FAM240B: variants seen among roughly 807,000 people sequenced by gnomAD.
FAM240B encodes the protein protein FAM240B.
chr9:38,717,841 A>G (rs1160441209), intron 1 of FAM240B, among the ~76,000 whole-genome samples: 1 of 152,216 alleles, frequency 6.6e-6, no homozygotes, highest in Non-Finnish European at 1.5e-5. Context: ...TGTTTTTAAA[A>G]ATGTGAACGT....
intron 2 of FAM240B, among the ~76,000 whole-genome samples, chr9:38,700,280 G>A (rs1396101087): frequency 1.3e-5 from 2 of 152,220 alleles, no homozygotes; most frequent in Non-Finnish European, 2.9e-5. Flanking sequence ...ATTGCCTGAA[G>A]CTGAAAATAT....
intron 2 of FAM240B, among the ~76,000 whole-genome samples, chr9:38,701,764 G>T (rs1821130348): frequency 2.0e-5 from 3 of 152,018 alleles, no homozygotes; most frequent in Admixed American, 2.0e-4. Flanking sequence ...TAGAAGAGGG[G>T]GTCATTTCTA....
chr9:38,719,639 C>T (rs540757695), intron 1 of FAM240B, among the ~76,000 whole-genome samples: 8 of 152,240 alleles, frequency 5.3e-5, no homozygotes, highest in South Asian at 4.1e-4. Context: ...GAGAAGCTTC[C>T]ATGATCCAGC....
At chr9:38,701,069 A>G (rs1279757025) in intron 2 of FAM240B, among the ~76,000 whole-genome samples, 1 of 152,214 alleles carries the variant, frequency 6.6e-6, no homozygotes, top group Non-Finnish European at 1.5e-5. Context: ...CTGCTCACTC[A>G]TACATTTAGA....
At chr9:38,708,407 G>A (rs1335247790) in intron 1 of FAM240B, among the ~76,000 whole-genome samples, 1 of 152,088 alleles carries the variant, frequency 6.6e-6, no homozygotes, top group Admixed American at 6.5e-5. Context: ...CGGGATTGGA[G>A]TTCTTCACCA....
chr9:38,712,394 C>T (rs1169692079), intron 1 of FAM240B, among the ~76,000 whole-genome samples: 1 of 152,212 alleles, frequency 6.6e-6, no homozygotes, highest in Non-Finnish European at 1.5e-5. Flanking sequence ...AAGTACTTAA[C>T]ATAGTATCTG....
intron 2 of FAM240B, among the ~76,000 whole-genome samples, chr9:38,699,603 C>G (rs1008943835): frequency 1.3e-5 from 2 of 152,132 alleles, no homozygotes; most frequent in African/African-American, 4.8e-5. Flanking sequence ...GCAGGAATTG[C>G]CTGGAACTAG....
At chr9:38,710,145 T>C (rs867803336) in intron 1 of FAM240B, among the ~76,000 whole-genome samples, 2 of 152,302 alleles carry the variant, frequency 1.3e-5, no homozygotes, top group Middle Eastern at 3.4e-3. Context: ...AATTTTTGTA[T>C]TTTTAGTAGA....
intron 2 of FAM240B, among the ~76,000 whole-genome samples, chr9:38,701,165 G>A (rs906206775): frequency 2.0e-5 from 3 of 152,206 alleles, no homozygotes; most frequent in Non-Finnish European, 2.9e-5. Flanking sequence ...ACGTGTGTGT[G>A]TGTATGTGTA....
chr9:38,717,640 C>T, intron 1 of FAM240B, among the ~76,000 whole-genome samples: 1 of 151,900 alleles, frequency 6.6e-6, no homozygotes, highest in Non-Finnish European at 1.5e-5. Flanking sequence ...GCCGCCACAC[C>T]CGGCTAATTT....
chr9:38,712,557 G>T lies in FAM240B; in HGVS notation c.-4+7465C>A, dbSNP rs114341928. Among the ~76,000 whole-genome samples, 1,064 of 152,206 alleles carry T rather than the reference G, an allele frequency of 7.0e-3. 17 individuals carry two copies. The highest frequency in any genetic ancestry group is 0.025 in the African/African-American group (1,024 of 41,518). Reference sequence around the variant, plus strand: ...GTGAGCGAGAAAGTGAATCTGAGAGGTTGACTTTCCCCAAGCTCCAGAGCT... The same window carrying T: ...GTGAGCGAGAAAGTGAATCTGAGAGTTTGACTTTCCCCAAGCTCCAGAGCT... On this transcript the variant is annotated intron_variant, in intron 1 of 2. Transcript: ENST00000637493.
rs1554688771 is a variant in FAM240B at position 38,716,483 on chromosome 9, A to AAATAAT, written c.-4+3538_-4+3539insATTATT. Among the ~76,000 whole-genome samples, 54 of 151,348 alleles carry AAATAAT rather than the reference A, an allele frequency of 3.6e-4. No individual in the cohort carries two copies. The South Asian group carries it at 9.2e-3, about 26-fold the overall frequency. ...TGAGACTCCGCTCTTAAATAAAATA[A>AAATAAT]TTTTTTTAAAAAATGGTCCCCTTCA... On this transcript the variant is annotated intron_variant, in intron 1 of 2. Transcript: ENST00000637493.
At chr9:38,715,665 T>A (rs1215606732) in intron 1 of FAM240B, among the ~76,000 whole-genome samples, 1 of 152,234 alleles carries the variant, frequency 6.6e-6, no homozygotes, top group Non-Finnish European at 1.5e-5. Context: ...TTTCTTTATT[T>A]TTAAATGTTG....
intron 1 of FAM240B, among the ~76,000 whole-genome samples, chr9:38,707,894 A>C (rs1051641803): frequency 1.3e-5 from 2 of 152,140 alleles, no homozygotes; most frequent in Non-Finnish European, 2.9e-5. Flanking sequence ...TGATCAAAAA[A>C]CACTTATAGG....
intron 2 of FAM240B, among the ~76,000 whole-genome samples, chr9:38,703,235 G>T (rs899524046): frequency 3.9e-5 from 6 of 152,172 alleles, no homozygotes; most frequent in African/African-American, 1.4e-4. Context: ...ATCTTACAAA[G>T]TTTGCTGGCT....
chr9:38,705,525 C>CT (rs1264234742), intron 1 of FAM240B: 1 of 140,878 alleles, frequency 7.1e-6, no homozygotes, highest in Non-Finnish European at 1.5e-5. Context: ...GGAGGCGGAG[C>CT]TTGCAGTGAG....
At position 38,708,201 on chromosome 9, in the gene FAM240B, C is replaced by T. The variant is rs78638817; in HGVS notation, c.-3-4199G>A. Among the ~76,000 whole-genome samples, 282 of 152,322 alleles carry T rather than the reference C, an allele frequency of 1.9e-3. 3 individuals are homozygous for T. Among genetic ancestry groups the T allele is most frequent in the African/African-American group, 6.5e-3 (270 of 41,558 alleles). ...CTCTATCTGCAGGTAGAACCTATGT[C>T]TTTCTTCCTTAGCTTTTCTCGAAAC... is the stretch of plus-strand genomic sequence containing the variant. On this transcript the variant is annotated intron_variant, in intron 1 of 2. Coordinates refer to ENST00000637493, the MANE Select transcript of FAM240B (RefSeq NM_001394922.1).
intron 2 of FAM240B, among the ~76,000 whole-genome samples, chr9:38,695,396 G>A (rs1040231557): frequency 6.6e-6 from 1 of 152,144 alleles, no homozygotes; most frequent in African/African-American, 2.4e-5. Context: ...CGTGGTGGCG[G>A]TGCCTGCAGT....
chr9:38,717,639 C>G (rs1267240638), intron 1 of FAM240B, among the ~76,000 whole-genome samples: 1 of 151,946 alleles, frequency 6.6e-6, no homozygotes, highest in Non-Finnish European at 1.5e-5. Flanking sequence ...CGCCGCCACA[C>G]CCGGCTAATT....
Sources: gnomAD v4.1 joint callset for allele counts (sites outside exome capture counted in the v4.1 genomes callset) on GRCh38, gnomAD v4.1.1 for gene constraint, MANE v1.5 for transcripts, NCBI Gene and HGNC (gene_info 2026-07-23, HGNC 2026-07-21) for gene names.